The following DPYD variants were observed in gnomAD, a reference collection of about 807,000 sequenced individuals.
DPYD encodes the protein dihydropyrimidine dehydrogenase.
DPYD carries 109 observed loss-of-function variants against 116.2 expected under a neutral mutation model. That is an observed-to-expected ratio of 0.94 (90% CI 0.80 to 1.10). The LOEUF (loss-of-function observed/expected upper bound fraction) is 1.10, where lower values mean the gene tolerates loss of function less well. Among genes scored for constraint, DPYD ranks in the 50% least tolerant of loss-of-function variants. The pLI is 0.00. For missense variants in DPYD, 1,302 were observed against 1,254.5 expected, an observed-to-expected ratio of 1.04 and a Z score of -0.57; for synonymous variants, 440 against 432.0, an observed-to-expected ratio of 1.02 and a Z score of -0.23.
intron 10 of DPYD, 131 bp from the exon 11 acceptor site, chr1:97,574,101 C>T (rs1570984803): frequency 6.8e-7 from 1 of 1,461,004 alleles, no homozygotes; most frequent in East Asian, 2.5e-5. Flanking sequence ...TTTCACCAAA[C>T]CTGAGTTTCA....
At chr1:97,708,108 C>G (rs1199571116) in intron 5 of DPYD, among the ~76,000 whole-genome samples, 1 of 151,968 alleles carries the variant, frequency 6.6e-6, no homozygotes, top group Non-Finnish European at 1.5e-5. Context: ...GTAGCCAGGA[C>G]TACAGGTACA....
At chr1:97,640,123 T>C (rs767884002) in intron 8 of DPYD, among the ~76,000 whole-genome samples, 2 of 152,160 alleles carry the variant, frequency 1.3e-5, no homozygotes, top group Non-Finnish European at 2.9e-5. Context: ...AAATACATAC[T>C]AATGAAGTCA....
At chr1:97,250,183 TC>T (rs1662994543) in intron 18 of DPYD, among the ~76,000 whole-genome samples, 1 of 151,864 alleles carries the variant, frequency 6.6e-6, no homozygotes, top group Non-Finnish European at 1.5e-5. Flanking sequence ...GGCAGGAGAA[TC>T]GCGTGAACAT....
chr1:97,374,147 A>G (rs1009291270), intron 15 of DPYD, among the ~76,000 whole-genome samples: 2 of 152,226 alleles, frequency 1.3e-5, no homozygotes, highest in African/African-American at 2.4e-5. Context: ...GTAGTAGGCT[A>G]GCTAGAATGA....
intron 1 of DPYD, among the ~76,000 whole-genome samples, chr1:97,887,465 G>T (rs1672554602): frequency 2.5e-5 from 1 of 39,692 alleles, no homozygotes; most frequent in Non-Finnish European, 4.6e-5. Context: ...GTGAGACTCT[G>T]CATTAAAAAA....
intron 12 of DPYD, among the ~76,000 whole-genome samples, chr1:97,547,164 T>C (rs2102074595): frequency 6.6e-6 from 1 of 152,220 alleles, no homozygotes; most frequent in African/African-American, 2.4e-5. Context: ...ACTGAAACCT[T>C]TCAAGTATGG....
At chr1:97,877,164 T>C (rs552925805) in intron 2 of DPYD, among the ~76,000 whole-genome samples, 73 of 152,114 alleles carry the variant, frequency 4.8e-4, no homozygotes, top group African/African-American at 1.4e-3. Flanking sequence ...ATGACTGTCA[T>C]CTTTTCAAGA....
At chr1:97,288,086 A>G (rs1267117153) in intron 18 of DPYD, among the ~76,000 whole-genome samples, 1 of 151,606 alleles carries the variant, frequency 6.6e-6, no homozygotes, top group East Asian at 1.9e-4. Context: ...AAAGAGACAA[A>G]GAAGGCCATT....
chr1:97,796,831 T>G (rs1052013552), intron 3 of DPYD: 1 of 152,158 alleles, frequency 6.6e-6, no homozygotes, highest in South Asian at 2.1e-4. Context: ...TGAAATTAAT[T>G]TGTGGCACTA....
chr1:97,378,624 C>T (rs1483054085), intron 15 of DPYD, among the ~76,000 whole-genome samples: 1 of 152,134 alleles, frequency 6.6e-6, no homozygotes, highest in African/African-American at 2.4e-5. Context: ...AATAAAATAC[C>T]ATTCTTCCCA....
chr1:97,679,701 C>T (rs556576125), intron 7 of DPYD, among the ~76,000 whole-genome samples: 35 of 152,128 alleles, frequency 2.3e-4, no homozygotes, highest in African/African-American at 7.2e-4. Context: ...ATTTTGATAA[C>T]GGACAGTGTC....
intron 12 of DPYD, among the ~76,000 whole-genome samples, chr1:97,537,653 A>C (rs200822873): frequency 7.7e-6 from 1 of 129,094 alleles, no homozygotes; most frequent in Admixed American, 8.2e-5. Context: ...TGTCTTTATA[A>C]TTGTCTGTTC....
At chr1:97,226,515 A>G (rs1661175785) in intron 19 of DPYD, among the ~76,000 whole-genome samples, 1 of 152,192 alleles carries the variant, frequency 6.6e-6, no homozygotes, top group Non-Finnish European at 1.5e-5. Flanking sequence ...AGTTAGAATA[A>G]ATGTATTCAA....
intron 21 of DPYD, among the ~76,000 whole-genome samples, chr1:97,085,987 A>T (rs1570430630): frequency 6.6e-6 from 1 of 152,220 alleles, no homozygotes; most frequent in East Asian, 1.9e-4. Flanking sequence ...AGTACTACAG[A>T]ATTCCAAGAT....
chr1:97,532,588 C>A (rs527866536), intron 12 of DPYD, among the ~76,000 whole-genome samples: 4 of 151,946 alleles, frequency 2.6e-5, no homozygotes, highest in Non-Finnish European at 5.9e-5. Context: ...TTTTCTATTT[C>A]TTCTTAATTC....
At chr1:97,159,891 TATG>T (rs1296258976) in intron 20 of DPYD, among the ~76,000 whole-genome samples, 7 of 152,050 alleles carry the variant, frequency 4.6e-5, no homozygotes, top group Non-Finnish European at 1.5e-5. Context: ...AAATAAATCC[TATG>T]ATTTCATCTT....
At chr1:97,841,130 T>A (rs1178105561) in intron 2 of DPYD, among the ~76,000 whole-genome samples, 1 of 152,116 alleles carries the variant, frequency 6.6e-6, no homozygotes, top group African/African-American at 2.4e-5. Context: ...AGAAACAGTA[T>A]ATTTATGGTA....
At chr1:97,553,585 T>C (rs1651479932) in intron 11 of DPYD, among the ~76,000 whole-genome samples, 1 of 152,060 alleles carries the variant, frequency 6.6e-6, no homozygotes, top group Admixed American at 6.6e-5. Flanking sequence ...AAAATGTATA[T>C]TTACATCTGC....
At chr1:97,199,237 G>T (rs1285503377) in intron 19 of DPYD, among the ~76,000 whole-genome samples, 1 of 152,082 alleles carries the variant, frequency 6.6e-6, no homozygotes, top group Non-Finnish European at 1.5e-5. Context: ...ATTCTTACTT[G>T]TAAAATGGAA....
Sources: gnomAD v4.1 joint callset for allele counts (sites outside exome capture counted in the v4.1 genomes callset) on GRCh38, gnomAD v4.1.1 for gene constraint, MANE v1.5 for transcripts, NCBI Gene and HGNC (gene_info 2026-07-23, HGNC 2026-07-21) for gene names.